Variants in ST8SIA1 observed in about 807,000 individuals in gnomAD.
The protein encoded by ST8SIA1 is ST8 alpha-N-acetyl-neuraminide alpha-2,8-sialyltransferase 1, also known as alpha-N-acetylneuraminide alpha-2,8-sialyltransferase.
A neutral mutation model predicts 35.9 loss-of-function variants in ST8SIA1; 16 were observed. The observed-to-expected ratio is 0.45, with a 90% CI of 0.30 to 0.68. The LOEUF (loss-of-function observed/expected upper bound fraction) is 0.68. Ranked by LOEUF, ST8SIA1 falls within the 30% of genes least tolerant of loss-of-function variation. The probability of loss-of-function intolerance (pLI) is 0.09; values close to 1 mark genes in which losing one functional copy is unlikely to be tolerated. For missense variants in ST8SIA1, 383 were observed against 453.6 expected, an observed-to-expected ratio of 0.84 and a Z score of 1.41; for synonymous variants, 170 against 169.6, an observed-to-expected ratio of 1.00 and a Z score of -0.02.
intron 2 of ST8SIA1, among the ~76,000 whole-genome samples, chr12:22,281,819 C>CAAAAAAAAAAAAAAAAA (rs11423875): frequency 9.7e-6 from 1 of 102,988 alleles, no homozygotes; most frequent in Non-Finnish European, 2.0e-5. Context: ...CTTGTCTCTA[C>CAAAAAAAAAAAAAAAAA]AAAAAAAAAA....
intron 3 of ST8SIA1, among the ~76,000 whole-genome samples, chr12:22,249,385 A>AT (rs528200307): frequency 6.7e-4 from 102 of 151,310 alleles, no homozygotes; most frequent in East Asian, 6.4e-3. Flanking sequence ...CACCCGGCTA[A>AT]TTTTTTTTGT....
intron 4 of ST8SIA1, among the ~76,000 whole-genome samples, chr12:22,229,615 CAAAAAAAAAAA>C (rs11290260): frequency 2.1e-5 from 2 of 93,746 alleles, no homozygotes; most frequent in African/African-American, 4.0e-5. Context: ...GACCGGGTTT[CAAAAAAAAAAA>C]AAAAAAAAAA....
At position 22,249,111 on chromosome 12, in the gene ST8SIA1, G is replaced by T; in HGVS notation, c.492-13C>A. The T allele has an allele frequency of 6.4e-7, 1 of 1,568,006 alleles. No homozygotes were observed. The highest frequency in any genetic ancestry group is 1.1e-5 in the South Asian group (1 of 89,360). On this transcript the variant is annotated splice_polypyrimidine_tract_variant and intron_variant, in intron 3 of 4. Transcript: ENST00000396037. ...AGGGAGATTGCATCTAGAGAAACAA[G>T]AACAAACATTTTGGAACAATTTGCA...
intron 2 of ST8SIA1, among the ~76,000 whole-genome samples, chr12:22,271,761 C>T (rs1448133257): frequency 1.3e-5 from 2 of 152,160 alleles, no homozygotes; most frequent in Non-Finnish European, 1.5e-5. Context: ...TGTCCTACAT[C>T]AGCCTTTCCT....
At chr12:22,224,526 A>T (rs1470782157) in intron 4 of ST8SIA1, among the ~76,000 whole-genome samples, 1 of 151,906 alleles carries the variant, frequency 6.6e-6, no homozygotes, top group Non-Finnish European at 1.5e-5. Flanking sequence ...TGGCCTCTCA[A>T]AGTGCTGGGA....
chr12:22,271,494 A>T (rs1177924673), intron 2 of ST8SIA1, among the ~76,000 whole-genome samples: 1 of 152,166 alleles, frequency 6.6e-6, no homozygotes, highest in East Asian at 1.9e-4. Flanking sequence ...GCCACTTCCA[A>T]TGTACTTTGT....
intron 1 of ST8SIA1, among the ~76,000 whole-genome samples, chr12:22,307,136 G>T (rs943813545): frequency 1.3e-5 from 2 of 151,854 alleles, no homozygotes; most frequent in Admixed American, 1.3e-4. Context: ...TATGTGAGAG[G>T]CTTTCTAGAA....
intron 4 of ST8SIA1, among the ~76,000 whole-genome samples, chr12:22,242,556 G>A (rs946799338): frequency 6.6e-6 from 1 of 151,964 alleles, no homozygotes; most frequent in African/African-American, 2.4e-5. Context: ...AATAATCAAG[G>A]GAATGATGGA....
chr12:22,221,828 T>C (rs1865303537), intron 4 of ST8SIA1, among the ~76,000 whole-genome samples: 1 of 152,226 alleles, frequency 6.6e-6, no homozygotes, highest in African/African-American at 2.4e-5. Context: ...TTTCTTCCAT[T>C]TCTAAGTGTC....
chr12:22,268,822 C>T (rs66571290), intron 2 of ST8SIA1, among the ~76,000 whole-genome samples: 23,465 of 152,050 alleles, frequency 0.15, 1,869 homozygotes, highest in Middle Eastern at 0.24. Context: ...ACAGCCAAAC[C>T]AAAACCATAT....
chr12:22,249,171 G>C, intron 3 of ST8SIA1, 73 bp from the exon 4 acceptor site: 3 of 939,534 alleles, frequency 3.2e-6, no homozygotes, highest in Non-Finnish European at 5.0e-6. Context: ...AATACAAATA[G>C]AAATGTTATT....
At chr12:22,315,799 C>A (rs1344463242) in intron 1 of ST8SIA1, among the ~76,000 whole-genome samples, 1 of 149,238 alleles carries the variant, frequency 6.7e-6, no homozygotes, top group East Asian at 2.0e-4. Context: ...ATTCCCCTCA[C>A]AGACAGGCAA....
At chr12:22,254,450 G>A (rs1271771603) in intron 3 of ST8SIA1, among the ~76,000 whole-genome samples, 1 of 152,058 alleles carries the variant, frequency 6.6e-6, no homozygotes, top group Non-Finnish European at 1.5e-5. Flanking sequence ...GCCCAGCCCT[G>A]ATTTCAAGGT....
At chr12:22,274,014 A>G (rs999503342) in intron 2 of ST8SIA1, among the ~76,000 whole-genome samples, 1 of 152,194 alleles carries the variant, frequency 6.6e-6, no homozygotes, top group African/African-American at 2.4e-5. Context: ...TAAGGGATCA[A>G]TGTAAGTTAA....
intron 4 of ST8SIA1, among the ~76,000 whole-genome samples, chr12:22,239,257 T>C (rs1439585311): frequency 1.3e-5 from 2 of 152,208 alleles, no homozygotes; most frequent in East Asian, 3.8e-4. Flanking sequence ...TACTTATGGA[T>C]CACATTAATC....
At chr12:22,232,773 A>T (rs961018272) in intron 4 of ST8SIA1, among the ~76,000 whole-genome samples, 3 of 152,160 alleles carry the variant, frequency 2.0e-5, no homozygotes, top group African/African-American at 4.8e-5. Flanking sequence ...CGGGAGGCGG[A>T]GGTTGCAGTG....
At position 22,307,320 on chromosome 12, in the gene ST8SIA1, C is replaced by T. The variant is rs570666786; in HGVS notation, c.237-20027G>A. On this transcript the variant is annotated intron_variant, in intron 1 of 4. Coordinates refer to ENST00000396037, the MANE Select transcript of ST8SIA1 (RefSeq NM_003034.4). ...AGTCTCCACATAACAGCAGTCTTTT[C>T]TCTTGGCCTAGTCAATCTCCCCAGA... Among the ~76,000 whole-genome samples, 6 of 152,294 alleles carry T rather than the reference C, an allele frequency of 3.9e-5. No homozygotes were observed. In the South Asian group the frequency reaches 1.2e-3, roughly 32 times the overall value.
chr12:22,228,871 T>G (rs566944990), intron 4 of ST8SIA1, among the ~76,000 whole-genome samples: 1 of 152,066 alleles, frequency 6.6e-6, no homozygotes, highest in Admixed American at 6.5e-5. Context: ...CTGGCCAACA[T>G]GGTGAAACCC....
At chr12:22,260,871 G>GCTGTTT (rs1555157907) in intron 2 of ST8SIA1, among the ~76,000 whole-genome samples, 1 of 97,542 alleles carries the variant, frequency 1.0e-5, no homozygotes, top group Non-Finnish European at 2.2e-5. Context: ...TTATATAGTT[G>GCTGTTT]TTGTTTTTTT....
Sources: gnomAD v4.1 joint callset for allele counts (sites outside exome capture counted in the v4.1 genomes callset) on GRCh38, gnomAD v4.1.1 for gene constraint, MANE v1.5 for transcripts, NCBI Gene and HGNC (gene_info 2026-07-23, HGNC 2026-07-21) for gene names.